Variants in EXOC4 observed in about 807,000 individuals in gnomAD.
EXOC4 encodes exocyst complex component 4.
EXOC4 carries 71 observed loss-of-function variants against 107.2 expected under a neutral mutation model. That is an observed-to-expected ratio of 0.66 (90% CI 0.55 to 0.81). EXOC4 has a LOEUF of 0.81. EXOC4 is among the 30% of genes least tolerant of loss of function. EXOC4 has a pLI of 0.00. For missense variants in EXOC4, 1,108 were observed against 1,189.6 expected, an observed-to-expected ratio of 0.93 and a Z score of 1.01; for synonymous variants, 456 against 441.2, an observed-to-expected ratio of 1.03 and a Z score of -0.42.
intron 14 of EXOC4, among the ~76,000 whole-genome samples, chr7:133,993,935 A>G (rs1383320152): frequency 6.6e-6 from 1 of 152,224 alleles, no homozygotes; most frequent in African/African-American, 2.4e-5. Flanking sequence ...TAGGGCTGAG[A>G]ATACAAATAT....
At chr7:133,851,663 GGTCAT>G (rs2116259835) in intron 11 of EXOC4, among the ~76,000 whole-genome samples, 1 of 152,300 alleles carries the variant, frequency 6.6e-6, no homozygotes, top group East Asian at 1.9e-4. Context: ...AAGAAAGAGA[GGTCAT>G]GTGGAAAGTA....
chr7:133,597,578 C>CCCAAAAAAAAACCCA (rs1554476919), intron 9 of EXOC4, among the ~76,000 whole-genome samples: 6 of 128,486 alleles, frequency 4.7e-5, no homozygotes, highest in African/African-American at 1.9e-4. Flanking sequence ...AAAAAAAACC[C>CCCAAAAAAAAACCCA]AAAAAAAAAA....
At chr7:133,855,125 ATAAATAT>A (rs1563028584) in intron 11 of EXOC4, among the ~76,000 whole-genome samples, 6 of 72,358 alleles carry the variant, frequency 8.3e-5, no homozygotes, top group South Asian at 5.0e-4. Flanking sequence ...ATATATATAT[ATAAATAT>A]ATATATATAT....
intron 7 of EXOC4, among the ~76,000 whole-genome samples, chr7:133,417,042 G>C (rs28439478): frequency 0.019 from 2,845 of 152,194 alleles, 82 homozygotes; most frequent in African/African-American, 0.065. Context: ...TGAATGATGA[G>C]GTCTATATGA....
intron 10 of EXOC4, among the ~76,000 whole-genome samples, chr7:133,814,124 T>C (rs1422847242): frequency 1.3e-5 from 2 of 152,204 alleles, no homozygotes; most frequent in East Asian, 3.9e-4. Context: ...GTCTAATTTC[T>C]ACTCCTCTCC....
rs12164108 is a variant in EXOC4 at position 133,417,437 on chromosome 7, A to G, written c.1182+42435A>G. ...AAACCTTTTTTACACTTAAGGTGTTAAATGGTTTTGTACTCAGAACATTGA... is the reference window on the plus strand; with the variant it reads ...AAACCTTTTTTACACTTAAGGTGTTGAATGGTTTTGTACTCAGAACATTGA... On this transcript the variant is annotated intron_variant, in intron 7 of 17. Transcript: ENST00000253861. Among the ~76,000 whole-genome samples, 35 of 152,326 alleles carry G rather than the reference A, an allele frequency of 2.3e-4. No individual in the cohort carries two copies. The East Asian group carries it at 6.8e-3, about 29-fold the overall frequency.
At chr7:133,725,383 T>G (rs1795193908) in intron 10 of EXOC4, among the ~76,000 whole-genome samples, 1 of 152,186 alleles carries the variant, frequency 6.6e-6, no homozygotes, top group Non-Finnish European at 1.5e-5. Flanking sequence ...TTTTCTTGTT[T>G]GTTTGTTTTG....
chr7:134,096,409 T>G, the EXOC4 span, among the ~76,000 whole-genome samples: 7 of 152,224 alleles, frequency 4.6e-5, no homozygotes, highest in Admixed American at 1.3e-4. Flanking sequence ...GAAGACCTTT[T>G]GTATTAGTCA....
intron 12 of EXOC4, among the ~76,000 whole-genome samples, chr7:133,909,984 C>T (rs564227275): frequency 1.0e-4 from 13 of 127,428 alleles, no homozygotes; most frequent in African/African-American, 4.1e-4. Flanking sequence ...AATGCAATGG[C>T]GTGACCTTGG....
the EXOC4 span, among the ~76,000 whole-genome samples, chr7:134,094,839 A>C: frequency 3.9e-5 from 6 of 152,246 alleles, no homozygotes; most frequent in East Asian, 1.9e-4. Context: ...TATCTATGAC[A>C]AACTCGCAGC....
At chr7:133,990,850 T>C (rs541532067) in intron 14 of EXOC4, among the ~76,000 whole-genome samples, 1 of 152,302 alleles carries the variant, frequency 6.6e-6, no homozygotes, top group Non-Finnish European at 1.5e-5. Context: ...TTAGGCTGGT[T>C]CCCTATTTTG....
intron 9 of EXOC4, among the ~76,000 whole-genome samples, chr7:133,530,283 T>C (rs1429291890): frequency 6.6e-6 from 1 of 152,198 alleles, no homozygotes; most frequent in Non-Finnish European, 1.5e-5. Context: ...TATACAATCA[T>C]GCATCACTTA....
At chr7:133,351,784 C>G (rs1795916590) in intron 5 of EXOC4, among the ~76,000 whole-genome samples, 1 of 151,696 alleles carries the variant, frequency 6.6e-6, no homozygotes, top group Non-Finnish European at 1.5e-5. Context: ...GTTTTGAGAT[C>G]TTTTTTGTTT....
At chr7:133,901,612 A>T (rs1484336508) in intron 12 of EXOC4, among the ~76,000 whole-genome samples, 1 of 152,176 alleles carries the variant, frequency 6.6e-6, no homozygotes, top group Non-Finnish European at 1.5e-5. Flanking sequence ...AAAATTGTCA[A>T]TCTTTTATAA....
chr7:133,825,924 G>C (rs1332817009), intron 11 of EXOC4, among the ~76,000 whole-genome samples: 3 of 152,064 alleles, frequency 2.0e-5, no homozygotes, highest in African/African-American at 4.8e-5. Context: ...AAGATGCCTT[G>C]GGGTCTAATC....
chr7:133,749,077 G>C (rs1376737033), intron 10 of EXOC4, among the ~76,000 whole-genome samples: 2 of 152,138 alleles, frequency 1.3e-5, no homozygotes, highest in Non-Finnish European at 2.9e-5. Flanking sequence ...GTTGCTGCCT[G>C]TTTTCATACA....
chr7:133,531,143 A>G (rs1800174913), intron 9 of EXOC4, among the ~76,000 whole-genome samples: 1 of 152,152 alleles, frequency 6.6e-6, no homozygotes, highest in Non-Finnish European at 1.5e-5. Context: ...TTAGTAAGGA[A>G]TATATTTTAA....
chr7:133,755,561 C>T (rs1278812517), intron 10 of EXOC4, among the ~76,000 whole-genome samples: 1 of 151,214 alleles, frequency 6.6e-6, no homozygotes, highest in Non-Finnish European at 1.5e-5. Context: ...CCAGGATGTT[C>T]TCGATATCCT....
chr7:134,052,115 A>T (rs1331940367), intron 17 of EXOC4, among the ~76,000 whole-genome samples: 3 of 152,242 alleles, frequency 2.0e-5, no homozygotes, highest in African/African-American at 7.2e-5. Flanking sequence ...GACCCTTTTC[A>T]TAGACACATT....
Sources: allele counts gnomAD v4.1 joint callset (sites outside exome capture counted in the v4.1 genomes callset), GRCh38; gene constraint gnomAD v4.1.1; transcripts MANE v1.5; gene names NCBI Gene and HGNC (gene_info 2026-07-23, HGNC 2026-07-21).